NOS2: variants seen among roughly 807,000 people sequenced by gnomAD.
The protein encoded by NOS2 is nitric oxide synthase, inducible.
Under a neutral mutation model 136.0 loss-of-function variants are expected in NOS2, and 96 were observed. The ratio of observed to expected loss-of-function variants is 0.71; its 90% CI spans 0.60 to 0.84. The LOEUF is 0.84. Among genes scored for constraint, NOS2 ranks in the 40% least tolerant of loss-of-function variants. NOS2 has a pLI of 0.00. For missense variants in NOS2, 1,237 were observed against 1,496.9 expected, an observed-to-expected ratio of 0.83 and a Z score of 2.87; for synonymous variants, 539 against 587.5, an observed-to-expected ratio of 0.92 and a Z score of 1.20.
chr17:27,771,700 A>G (rs1277943694), intron 14 of NOS2, among the ~76,000 whole-genome samples: 1 of 152,226 alleles, frequency 6.6e-6, no homozygotes, highest in Non-Finnish European at 1.5e-5. Flanking sequence ...CAACCTGTCT[A>G]ACAGTCAGGT....
At chr17:27,767,227 G>C (rs1311848274) in intron 18 of NOS2, among the ~76,000 whole-genome samples, 1 of 152,192 alleles carries the variant, frequency 6.6e-6, no homozygotes, top group African/African-American at 2.4e-5. Flanking sequence ...AGCACCTGGG[G>C]GTGCAGAGTG....
chr17:27,765,962 C>G (rs560445216), intron 19 of NOS2, among the ~76,000 whole-genome samples: 1 of 152,312 alleles, frequency 6.6e-6, no homozygotes, highest in Non-Finnish European at 1.5e-5. Context: ...TGGAGCCCCC[C>G]GAGGGCTTGG....
chr17:27,773,030 G>A (rs1908546391), intron 13 of NOS2, 131 bp downstream of exon 13: 1 of 793,470 alleles, frequency 1.3e-6, no homozygotes, highest in African/African-American at 1.7e-5. Flanking sequence ...GTAAGACCCT[G>A]TCTCAAAAAC....
At chr17:27,799,990 G>C (rs1909481379) in intron 1 of NOS2, among the ~76,000 whole-genome samples, 1 of 152,000 alleles carries the variant, frequency 6.6e-6, no homozygotes, top group African/African-American at 2.4e-5. Flanking sequence ...CCATAAAATG[G>C]GTTTAATATA....
At chr17:27,789,453 G>A (rs964627489) in intron 3 of NOS2, 151 bp downstream of exon 3, 5 of 649,738 alleles carry the variant, frequency 7.7e-6, no homozygotes, top group Admixed American at 5.0e-5. Flanking sequence ...ATTCCCACCT[G>A]TTCCCCCCAA....
rs1228019760 is a variant in NOS2 at position 27,762,905 on chromosome 17, G to T, written c.2693C>A (p.Ser898Tyr). 1.2e-6 allele frequency: 2 copies of T among 1,602,166 alleles called. No homozygotes were observed. Among genetic ancestry groups the T allele is most frequent in the Non-Finnish European group, 1.7e-6 (2 of 1,175,388 alleles). The change falls in exon 22 of 27, where the codon TCC becomes TAC. Residue 898 changes from serine to tyrosine, a missense_variant. This residue lies in a region of NOS2 where 782 missense variants were observed against 909.9 expected (regional missense o/e 0.86). Transcript: ENST00000313735. ...SLRVSAGFLL[S>Y]QLPILKPRFY... ...CCTGGGCTTCAGAATGGGGAGCTGG[G>T]AAAGCAGGAAGCCAGCAGACACCCG...
At chr17:27,767,000 CAAA>C (rs11428460) in intron 18 of NOS2, among the ~76,000 whole-genome samples, 2 of 42,782 alleles carry the variant, frequency 4.7e-5, no homozygotes, top group African/African-American at 1.9e-4. Flanking sequence ...GACTCCGTCT[CAAA>C]AAAAAAAAAA....
chr17:27,783,208 G>A (rs372486632), intron 5 of NOS2, 102 bp from the exon 6 acceptor site: 48 of 1,295,418 alleles, frequency 3.7e-5, no homozygotes, highest in African/African-American at 2.9e-4. Flanking sequence ...CATCAGAAGG[G>A]CAAGATGCCT....
chr17:27,787,603 C>G, intron 5 of NOS2, 75 bp downstream of exon 5: 1 of 1,141,638 alleles, frequency 8.8e-7, no homozygotes, highest in Non-Finnish European at 1.3e-6. Flanking sequence ...TAGCTAGGAT[C>G]AGAGGGTGAT....
chr17:27,789,802 G>A, intron 2 of NOS2, 114 bp from the exon 3 acceptor site: 1 of 713,260 alleles, frequency 1.4e-6, no homozygotes, highest in Non-Finnish European at 2.5e-6. Context: ...TCCAGAGGGT[G>A]GGAGTGAATT....
chr17:27,758,989 G>A lies in NOS2; in HGVS notation c.3246C>T (p.Cys1082=), dbSNP rs201378393. The A allele has an allele frequency of 6.0e-5, 97 of 1,612,784 alleles. No individual in the cohort carries two copies. The highest frequency in any genetic ancestry group is 3.3e-4 in the East Asian group (15 of 44,856). The change falls in exon 26 of 27, where the codon TGC becomes TGT. Residue 1082 remains cysteine, a synonymous_variant. Coordinates refer to ENST00000313735, the MANE Select transcript of NOS2 (RefSeq NM_000625.4). The part of the protein sequence containing the change: ...LHKEPGHLYV[C]GDVRMARDVA... The stretch of plus-strand genomic sequence containing the variant: ...CGTCCCGGGCCATGCGCACATCCCC[G>A]CAAACATAGAGGTGGCCTGGCTCCT...
At chr17:27,794,453 A>AT (rs1377917644) in intron 2 of NOS2, among the ~76,000 whole-genome samples, 2 of 152,212 alleles carry the variant, frequency 1.3e-5, no homozygotes, top group Non-Finnish European at 2.9e-5. Flanking sequence ...CTCAAGCAAG[A>AT]TAACAGGTAG....
chr17:27,766,697 C>T, intron 18 of NOS2, 109 bp from the exon 19 acceptor site: 1 of 803,710 alleles, frequency 1.2e-6, no homozygotes, highest in South Asian at 1.4e-5. Flanking sequence ...CTTGGGGCAT[C>T]CTGCTGAGGT....
chr17:27,794,494 G>A (rs563806809), intron 2 of NOS2, among the ~76,000 whole-genome samples: 1 of 152,298 alleles, frequency 6.6e-6, no homozygotes, highest in Non-Finnish European at 1.5e-5. Flanking sequence ...AGCAGCCCTG[G>A]ACCTCAACAT....
At position 27,772,419 on chromosome 17, in the gene NOS2, C is replaced by G. The variant is rs1356001395; in HGVS notation, c.1593G>C (p.Lys531Asn). Residue 531 changes from lysine (K) to asparagine (N), a missense_variant, in exon 14 of 27, where the codon AAG becomes AAC. Lys to Asn is a moderately conservative substitution (Grantham distance 94). Coordinates refer to ENST00000313735, the MANE Select transcript of NOS2 (RefSeq NM_000625.4). ...TGACTCTGACTCGGGACGCCATTGT[C>G]TTGCGCATCAGCATACAGGCAAAGA... is the stretch of plus-strand genomic sequence containing the variant. ...AVLFACMLMR[K>N]TMASRVRVTI... The G allele has an allele frequency of 1.2e-6, 2 of 1,614,094 alleles. No homozygotes were observed. Among genetic ancestry groups the G allele is most frequent in the East Asian group, 2.2e-5 (1 of 44,892 alleles).
chr17:27,763,830 C>T (rs1300626230), intron 21 of NOS2, 151 bp downstream of exon 21: 7 of 614,318 alleles, frequency 1.1e-5, no homozygotes, highest in East Asian at 6.5e-5. Flanking sequence ...GGCCAGCGGA[C>T]GATGCCTGGC....
intron 4 of NOS2, 113 bp downstream of exon 4, chr17:27,788,695 GC>G: frequency 1.5e-6 from 2 of 1,333,552 alleles, no homozygotes; most frequent in South Asian, 3.0e-5. Context: ...AGACCCCTTT[GC>G]CCAAGCAGAT....
At chr17:27,775,021 C>T (rs1908617377) in intron 11 of NOS2, among the ~76,000 whole-genome samples, 1 of 152,222 alleles carries the variant, frequency 6.6e-6, no homozygotes, top group Admixed American at 6.5e-5. Flanking sequence ...AGCAAGGCAG[C>T]CACTGGCCTC....
intron 23 of NOS2, 94 bp downstream of exon 23, chr17:27,761,050 C>T: frequency 8.3e-7 from 1 of 1,203,082 alleles, no homozygotes; most frequent in Non-Finnish European, 1.1e-6. Flanking sequence ...CCAAGGGGCT[C>T]CGAGCGTCTC....
Sources: allele counts gnomAD v4.1 joint callset (sites outside exome capture counted in the v4.1 genomes callset), GRCh38; gene constraint gnomAD v4.1.1; regional missense constraint gnomAD v4.1.1; transcripts MANE v1.5; gene names NCBI Gene and HGNC (gene_info 2026-07-23, HGNC 2026-07-21).